The following TRPM6 variants were observed in gnomAD, a reference collection of about 807,000 sequenced individuals.
TRPM6 encodes the protein transient receptor potential cation channel subfamily M member 6.
A neutral mutation model predicts 247.6 loss-of-function variants in TRPM6; 111 were observed. The observed-to-expected ratio is 0.45, with a 90% CI of 0.38 to 0.52. The LOEUF is 0.52. Among genes scored for constraint, TRPM6 ranks in the 20% least tolerant of loss-of-function variants. TRPM6 has a pLI of 0.00. For synonymous variants in TRPM6, 892 were observed against 853.8 expected (o/e 1.04, Z -0.78); for missense variants, 2,126 against 2,421.5 (o/e 0.88, Z 2.56).
intron 6 of TRPM6, among the ~76,000 whole-genome samples, chr9:74,828,448 C>T (rs745561051): frequency 3.9e-5 from 6 of 152,064 alleles, no homozygotes; most frequent in African/African-American, 1.4e-4. Context: ...TTTAATGGAC[C>T]GATATGTGAT....
At chr9:74,759,899 G>T (rs916560933) in intron 27 of TRPM6, among the ~76,000 whole-genome samples, 1 of 151,506 alleles carries the variant, frequency 6.6e-6, no homozygotes, top group African/African-American at 2.4e-5. Context: ...ATTTTAAAAT[G>T]CTCACAACTT....
intron 30 of TRPM6, among the ~76,000 whole-genome samples, chr9:74,749,076 A>G (rs1407222721): frequency 6.6e-6 from 1 of 152,238 alleles, no homozygotes; most frequent in Non-Finnish European, 1.5e-5. Context: ...CATACTGTAC[A>G]GGTTTGTAGC....
chr9:74,764,053 C>T (rs1423599219), intron 25 of TRPM6, among the ~76,000 whole-genome samples: 1 of 150,100 alleles, frequency 6.7e-6, no homozygotes, highest in Non-Finnish European at 1.5e-5. Flanking sequence ...AGGAGACTGA[C>T]GCGGAGGTTG....
chr9:74,855,390 C>A, intron 3 of TRPM6, 137 bp downstream of exon 3: 3 of 726,168 alleles, frequency 4.1e-6, no homozygotes, highest in Non-Finnish European at 5.0e-6. Flanking sequence ...TCAAAAACAT[C>A]TTTTTAAAAC....
intron 1 of TRPM6, among the ~76,000 whole-genome samples, chr9:74,881,829 C>G (rs1485126578): frequency 3.9e-5 from 6 of 152,158 alleles, no homozygotes; most frequent in African/African-American, 1.4e-4. Context: ...GTAACCAAAA[C>G]AGCATGCTAT....
intron 3 of TRPM6, among the ~76,000 whole-genome samples, chr9:74,843,008 C>T (rs1169794624): frequency 6.6e-6 from 1 of 152,188 alleles, no homozygotes; most frequent in Non-Finnish European, 1.5e-5. Context: ...GCATTTTACC[C>T]ACAGTAGAAC....
intron 30 of TRPM6, 72 bp downstream of exon 30, chr9:74,750,592 A>T: frequency 7.7e-7 from 1 of 1,303,266 alleles, no homozygotes; most frequent in Non-Finnish European, 1.1e-6. Context: ...ACTAAATTAA[A>T]CCTTTGCTCC....
intron 33 of TRPM6, among the ~76,000 whole-genome samples, chr9:74,741,997 G>A (rs1258288617): frequency 1.3e-5 from 2 of 152,146 alleles, no homozygotes; most frequent in African/African-American, 4.8e-5. Context: ...GACACTTTGG[G>A]GACCCTTGCT....
At chr9:74,854,974 T>C (rs116205272) in intron 3 of TRPM6, among the ~76,000 whole-genome samples, 2 of 152,248 alleles carry the variant, frequency 1.3e-5, no homozygotes, top group African/African-American at 4.8e-5. Flanking sequence ...TGACTGTGCC[T>C]AGTCCCAAAT....
chr9:74,881,297 G>T (rs1831356223), intron 1 of TRPM6, among the ~76,000 whole-genome samples: 1 of 151,578 alleles, frequency 6.6e-6, no homozygotes, highest in African/African-American at 2.4e-5. Context: ...TATATCAGAT[G>T]AAACAAACTT....
At chr9:74,803,479 A>G (rs1010440538) in intron 15 of TRPM6, among the ~76,000 whole-genome samples, 1 of 152,230 alleles carries the variant, frequency 6.6e-6, no homozygotes, top group Non-Finnish European at 1.5e-5. Context: ...GGAACAGCAC[A>G]TAAGAGTATG....
intron 1 of TRPM6, among the ~76,000 whole-genome samples, chr9:74,876,425 C>T (rs1462177297): frequency 6.6e-6 from 1 of 152,148 alleles, no homozygotes; most frequent in Non-Finnish European, 1.5e-5. Context: ...CCCACCTGGA[C>T]AATGCAAAAC....
rs373206791 is a variant in TRPM6, at chr9:74,800,237, A to C, written c.2238+17T>G. On this transcript the variant is annotated intron_variant, in intron 17 of 38. Transcript: ENST00000360774. Reference sequence around the variant, plus strand: ...AGACTAACATTAAACTCCATAAGACAAGTAAAGTAAATTTACCTTTAACCA... The same window carrying C: ...AGACTAACATTAAACTCCATAAGACCAGTAAAGTAAATTTACCTTTAACCA... The C allele has an allele frequency of 6.2e-7, 1 of 1,605,200 alleles. No homozygotes were observed. Among genetic ancestry groups the C allele is most frequent in the Non-Finnish European group, 8.5e-7 (1 of 1,171,878 alleles).
intron 1 of TRPM6, among the ~76,000 whole-genome samples, chr9:74,871,147 T>C (rs1410106813): frequency 6.6e-6 from 1 of 152,188 alleles, no homozygotes; most frequent in Non-Finnish European, 1.5e-5. Flanking sequence ...CACTGTATCA[T>C]CCATGGGATA....
At chr9:74,812,277 T>A (rs1347418230) in intron 12 of TRPM6, 22 bp downstream of exon 12, 6 of 1,613,190 alleles carry the variant, frequency 3.7e-6, no homozygotes, top group Non-Finnish European at 5.1e-6. Flanking sequence ...GGGAAATGAT[T>A]GATGAAATGT....
intron 24 of TRPM6, among the ~76,000 whole-genome samples, chr9:74,772,879 C>T (rs1236999467): frequency 1.3e-5 from 2 of 152,124 alleles, no homozygotes; most frequent in Non-Finnish European, 2.9e-5. Flanking sequence ...CCTCTCTCGG[C>T]TTTGGAGCCC....
chr9:74,800,031 C>G, intron 17 of TRPM6: 1 of 571,752 alleles, frequency 1.7e-6, no homozygotes, highest in South Asian at 2.0e-5. Flanking sequence ...GCTGCACGCT[C>G]TGTCGCTCAG....
Position 74,796,868 on chromosome 9 carries a change from G to A in TRPM6, c.2264C>T (p.Pro755Leu), listed in dbSNP as rs191772517. ...LKIIISIILP[P>L]TILTLEFKSK... is the part of the protein sequence containing the mutation. ...TTTAAATTCCAGTGTCAAAATGGTG[G>A]GTGGTAAAATAATGCTTATAATAAT... The change falls in exon 18 of 39, where the codon CCC becomes CTC. Residue 755 changes from proline to leucine, a missense_variant. Coordinates refer to ENST00000360774, the MANE Select transcript of TRPM6 (RefSeq NM_017662.5). 5.6e-6 allele frequency: 9 copies of A among 1,613,732 alleles called. No individual in the cohort carries two copies. In the East Asian group the frequency reaches 1.8e-4, roughly 32 times the overall value.
chr9:74,790,781 C>G (rs112152114), intron 19 of TRPM6, among the ~76,000 whole-genome samples: 44 of 152,160 alleles, frequency 2.9e-4, no homozygotes, highest in Admixed American at 5.9e-4. Flanking sequence ...CAAAAGACTA[C>G]AAACATATTC....
Sources: gnomAD v4.1 joint callset for allele counts (sites outside exome capture counted in the v4.1 genomes callset) on GRCh38, gnomAD v4.1.1 for gene constraint, MANE v1.5 for transcripts, NCBI Gene and HGNC (gene_info 2026-07-23, HGNC 2026-07-21) for gene names.